TENM1: variants seen among roughly 807,000 people sequenced by gnomAD.
The protein encoded by TENM1 is teneurin transmembrane protein 1, also known as teneurin-1.
TENM1 carries 35 observed loss-of-function variants against 174.8 expected under a neutral mutation model. The ratio of observed to expected loss-of-function variants is 0.20; its 90% confidence interval spans 0.15 to 0.27. TENM1 has a LOEUF of 0.27. Among genes scored for constraint, TENM1 ranks in the 10% least tolerant of loss-of-function variants. The probability of loss-of-function intolerance (pLI) is 1.00; values close to 1 mark genes in which losing one functional copy is unlikely to be tolerated. For synonymous variants in TENM1, 781 were observed against 798.7 expected, an observed-to-expected ratio of 0.98 and a Z score of 0.37; for missense variants, 1,633 against 2,130.1, an observed-to-expected ratio of 0.77 and a Z score of 4.59.
At chrX:125,075,776 T>C in the TENM1 span, among the ~76,000 whole-genome samples, 1 of 111,301 alleles carries the variant, frequency 9.0e-6, no homozygotes, top group Non-Finnish European at 1.9e-5. Flanking sequence ...TTTAACCCAA[T>C]TTGTTTGACA....
intron 3 of TENM1, among the ~76,000 whole-genome samples, chrX:124,751,921 T>C (rs1374784917): frequency 9.0e-6 from 1 of 110,695 alleles, no homozygotes; most frequent in Non-Finnish European, 1.9e-5. Context: ...TTCCAAGTCT[T>C]TGCTATTGTT....
chrX:124,778,249 GT>G (rs2054829254), intron 3 of TENM1, among the ~76,000 whole-genome samples: 1 of 112,744 alleles, frequency 8.9e-6, no homozygotes, highest in South Asian at 3.6e-4. Context: ...AGTTTGCGTT[GT>G]TTGCAGGTGG....
chrX:124,963,650 T>C, exon 1 of TENM1: 1 of 1,211,779 alleles, frequency 8.3e-7, no homozygotes, highest in Non-Finnish European at 1.1e-6. Flanking sequence ...CTGTCTTGGT[T>C]TTCTTCCATC....
chrX:124,768,707 G>A (rs918243212), intron 3 of TENM1, among the ~76,000 whole-genome samples: 1 of 111,996 alleles, frequency 8.9e-6, no homozygotes, highest in Middle Eastern at 4.2e-3. Flanking sequence ...CTAATTCTTT[G>A]GCTTCCATGT....
At chrX:124,649,310 TG>T (rs1158973263) in intron 8 of TENM1, among the ~76,000 whole-genome samples, 1 of 112,246 alleles carries the variant, frequency 8.9e-6, no homozygotes, top group Non-Finnish European at 1.9e-5. Flanking sequence ...GTTATTCTCA[TG>T]GGAGAAACTA....
intron 3 of TENM1, among the ~76,000 whole-genome samples, chrX:124,866,864 C>T (rs1472222623): frequency 9.0e-6 from 1 of 110,639 alleles, no homozygotes; most frequent in Non-Finnish European, 1.9e-5. Flanking sequence ...GTAATATCTG[C>T]AACTATATGC....
At chrX:124,424,380 T>A (rs921169404) in intron 23 of TENM1, among the ~76,000 whole-genome samples, 1 of 112,085 alleles carries the variant, frequency 8.9e-6, no homozygotes, top group African/African-American at 3.2e-5. Context: ...AACAAATTGT[T>A]GTTTATTATA....
At chrX:125,168,566 G>A in the TENM1 span, among the ~76,000 whole-genome samples, 1 of 111,308 alleles carries the variant, frequency 9.0e-6, no homozygotes, top group African/African-American at 3.3e-5. Context: ...TAGAGCCCCA[G>A]TCAGATGACT....
chrX:124,604,290 T>A (rs1419905772), intron 11 of TENM1, among the ~76,000 whole-genome samples: 1 of 111,475 alleles, frequency 9.0e-6, no homozygotes, highest in Non-Finnish European at 1.9e-5. Flanking sequence ...GATATTTTAT[T>A]TGAGAAGCTA....
chrX:124,489,174 C>T (rs867884342), intron 20 of TENM1, among the ~76,000 whole-genome samples: 4 of 112,489 alleles, frequency 3.6e-5, no homozygotes, highest in African/African-American at 9.7e-5. Flanking sequence ...TGGGCCCATC[C>T]GTGGGCACCA....
chrX:124,976,379 T>C, the TENM1 span, among the ~76,000 whole-genome samples: 1 of 111,682 alleles, frequency 9.0e-6, no homozygotes, highest in Non-Finnish European at 1.9e-5. Flanking sequence ...CCAGAGCCTG[T>C]ACTCTTAATT....
chrX:125,033,542 A>T, the TENM1 span, among the ~76,000 whole-genome samples: 2 of 111,977 alleles, frequency 1.8e-5, no homozygotes, highest in Non-Finnish European at 3.8e-5. Flanking sequence ...AGTTGAGAGT[A>T]GAAAAAGCAG....
At chrX:124,765,076 T>G (rs1043883607) in intron 3 of TENM1, among the ~76,000 whole-genome samples, 11 of 111,558 alleles carry the variant, frequency 9.9e-5, no homozygotes, top group Admixed American at 7.7e-4. Context: ...CTGTTTCCTA[T>G]TATGCCCCCA....
intron 1 of TENM1, 89 bp downstream of exon 4, chrX:124,963,448 A>G: frequency 1.2e-6 from 1 of 830,676 alleles, no homozygotes; most frequent in Non-Finnish European, 1.7e-6. Flanking sequence ...AGTTAACATT[A>G]GCAAATTTAT....
At chrX:124,688,116 A>ACTCCTCTCCT (rs776164988) in intron 5 of TENM1, among the ~76,000 whole-genome samples, 1 of 33,622 alleles carries the variant, frequency 3.0e-5, no homozygotes, top group Non-Finnish European at 5.7e-5. Context: ...ATTCCTCTCC[A>ACTCCTCTCCT]CTCCTCTCCT....
At chrX:124,743,450 G>C (rs2053846757) in intron 3 of TENM1, among the ~76,000 whole-genome samples, 1 of 111,966 alleles carries the variant, frequency 8.9e-6, no homozygotes, top group East Asian at 2.8e-4. Flanking sequence ...GACAACAACA[G>C]AAAGAGTCAG....
At chrX:125,168,621 G>C in the TENM1 span, among the ~76,000 whole-genome samples, 1 of 111,394 alleles carries the variant, frequency 9.0e-6, no homozygotes, top group East Asian at 2.8e-4. Context: ...GCCTAATCAA[G>C]AGAGTCCTTT....
intron 11 of TENM1, among the ~76,000 whole-genome samples, chrX:124,632,112 C>CATGTTGGT (rs1322797401): frequency 3.7e-5 from 4 of 107,903 alleles, no homozygotes; most frequent in Non-Finnish European, 7.7e-5. Context: ...AGGGTTTCAC[C>CATGTTGGT]ATGTTGGTCA....
the TENM1 span, among the ~76,000 whole-genome samples, chrX:124,987,701 TTGTGTGTGTGTG>T: frequency 1.8e-3 from 163 of 91,380 alleles, no homozygotes; most frequent in Non-Finnish European, 3.1e-3. Context: ...GTTCTGCATT[TTGTGTGTGTGTG>T]TGTGTGTGTG....
Sources: gnomAD v4.1 joint callset for allele counts (sites outside exome capture counted in the v4.1 genomes callset) on GRCh38, gnomAD v4.1.1 for gene constraint, MANE v1.5 for transcripts, NCBI Gene and HGNC (gene_info 2026-07-23, HGNC 2026-07-21) for gene names.